The following SIAH2 variants were observed in gnomAD, a reference collection of about 807,000 sequenced individuals.
SIAH2 encodes the protein E3 ubiquitin-protein ligase SIAH2.
SIAH2 carries 4 observed loss-of-function variants against 20.4 expected under a neutral mutation model. The ratio of observed to expected loss-of-function variants is 0.20; its 90% CI spans 0.10 to 0.45. The LOEUF is 0.45. Ranked by LOEUF, SIAH2 falls within the 20% of genes least tolerant of loss-of-function variation. The probability of loss-of-function intolerance (pLI) is 0.99; values close to 1 mark genes in which losing one functional copy is unlikely to be tolerated. For missense variants in SIAH2, 259 were observed against 440.3 expected (o/e 0.59, Z 3.69); for synonymous variants, 171 against 192.5 (o/e 0.89, Z 0.93).
intron 1 of SIAH2, among the ~76,000 whole-genome samples, chr3:150,749,712 G>A (rs1381598826): frequency 6.6e-6 from 1 of 152,104 alleles, no homozygotes; most frequent in Non-Finnish European, 1.5e-5. Context: ...TTTACTAGAG[G>A]CTATTTGAGA....
rs959965663 is a variant in SIAH2, at chr3:150,741,669, G to C, written c.*472C>G. On this transcript the variant is annotated 3_prime_UTR_variant, in exon 2 of 2. Transcript: ENST00000312960. ...TAAGATAAGCACTCCGGGTGATTCAGTGTCTATTAGCCAGCCATCCAATTT... is the reference window on the plus strand; with the variant it reads ...TAAGATAAGCACTCCGGGTGATTCACTGTCTATTAGCCAGCCATCCAATTT... 1 of 154,226 alleles carries C rather than the reference G, an allele frequency of 6.5e-6. No individual in the cohort carries two copies. The highest frequency in any genetic ancestry group is 2.4e-5 in the African/African-American group (1 of 41,460). The allele number at this position is 154,226 out of a possible 1,614,324, so 9.6% of individuals were successfully genotyped here.
Position 150,742,887 on chromosome 3 carries a change from T to C in SIAH2, c.418-189A>G, listed in dbSNP as rs1023174014. ...TATTCATCATCAATGCTGTCATGCATAAAATGAAGGGTATTTCCTGAACCA... is the reference window on the plus strand; with the variant it reads ...TATTCATCATCAATGCTGTCATGCACAAAATGAAGGGTATTTCCTGAACCA... On this transcript the variant is annotated intron_variant, in intron 1 of 1. Transcript: ENST00000312960. The surrounding 1 kb of genome is among the most constrained non-coding windows in gnomAD (Gnocchi z 4.8). Among the ~76,000 whole-genome samples the C allele has an allele frequency of 6.6e-6, 1 of 152,250 alleles. No homozygotes were observed. Among genetic ancestry groups the C allele is most frequent in the African/African-American group, 2.4e-5 (1 of 41,460 alleles).
intron 1 of SIAH2, among the ~76,000 whole-genome samples, chr3:150,755,739 A>C (rs568868485): frequency 2.0e-5 from 3 of 151,772 alleles, no homozygotes; most frequent in African/African-American, 7.3e-5. Context: ...CTGGTCTCGA[A>C]CTCCCAATCT....
chr3:150,754,403 A>G (rs1004665624), intron 1 of SIAH2, among the ~76,000 whole-genome samples: 19 of 152,304 alleles, frequency 1.2e-4, no homozygotes, highest in African/African-American at 4.6e-4. Context: ...AAGACTCACT[A>G]TCATGAGAAC....
At chr3:150,743,079 G>A (rs932540038) in intron 1 of SIAH2, among the ~76,000 whole-genome samples, 1 of 152,166 alleles carries the variant, frequency 6.6e-6, no homozygotes, top group African/African-American at 2.4e-5. Flanking sequence ...TGGGTGGTGG[G>A]GATGGGGTTG....
chr3:150,758,910 CT>C (rs1343938102), intron 1 of SIAH2, among the ~76,000 whole-genome samples: 3 of 151,824 alleles, frequency 2.0e-5, no homozygotes, highest in Non-Finnish European at 2.9e-5. Flanking sequence ...GCCCAGCTAA[CT>C]TTTTTGTATT....
chr3:150,753,877 G>A (rs1185546893), intron 1 of SIAH2, among the ~76,000 whole-genome samples: 2 of 151,884 alleles, frequency 1.3e-5, no homozygotes, highest in African/African-American at 4.8e-5. Context: ...TTTAACTTTA[G>A]GAAATAACTA....
At chr3:150,754,509 A>T (rs1012451457) in intron 1 of SIAH2, among the ~76,000 whole-genome samples, 25 of 152,198 alleles carry the variant, frequency 1.6e-4, no homozygotes, top group Non-Finnish European at 2.9e-5. Context: ...GGGGATTACA[A>T]TTGAACATGA....
At position 150,763,041 on chromosome 3, in the gene SIAH2, G is replaced by C. The variant is rs1714663500; in HGVS notation, c.-192C>G. 1 of 494,426 alleles carries C rather than the reference G, an allele frequency of 2.0e-6. No homozygotes were observed. The allele number at this position is 494,426 out of a possible 1,614,324, so 30.6% of individuals were successfully genotyped here. A position where few individuals can be genotyped will look rare whatever the true frequency, so the allele number is the denominator to read the frequency against. ...CGCGCTGATGCACTCCGCAGCCCCC[G>C]GCGTTCCGAGCACGCCTCCGCGTCG... On this transcript the variant is annotated 5_prime_UTR_variant, in exon 1 of 2. Transcript: ENST00000312960. This position sits in a 1 kb window ranked among gnomAD's most constrained non-coding sequence, Gnocchi z 4.1.
intron 1 of SIAH2, among the ~76,000 whole-genome samples, chr3:150,745,313 T>C (rs1181342278): frequency 6.6e-6 from 1 of 151,384 alleles, no homozygotes; most frequent in Non-Finnish European, 1.5e-5. Context: ...TTTGGCATTG[T>C]TCTGGAATGG....
chr3:150,741,304 C>T lies in SIAH2; in HGVS notation c.*837G>A, dbSNP rs973499956. ...GCTTCCGAGGGAAGCCACGTGTAAA[C>T]GGGTCATCTGTACTAGTGGTGAGCA... is the stretch of plus-strand genomic sequence containing the variant. On this transcript the variant is annotated 3_prime_UTR_variant, in exon 2 of 2. Transcript: ENST00000312960. 1.2e-4 allele frequency: 19 copies of T among 152,552 alleles called. No homozygotes were observed. Among genetic ancestry groups the T allele is most frequent in the Admixed American group, 5.2e-4 (8 of 15,276 alleles). The allele number at this position is 152,552 out of a possible 1,614,324, so 9.4% of individuals were successfully genotyped here. A position where few individuals can be genotyped will look rare whatever the true frequency, so the allele number is the denominator to read the frequency against.
At position 150,748,784 on chromosome 3, in the gene SIAH2, CTAAG is replaced by C. The variant is rs539929534; in HGVS notation, c.418-6090_418-6087del. Among the ~76,000 whole-genome samples, 65 of 152,220 alleles carry C rather than the reference CTAAG, an allele frequency of 4.3e-4. No homozygotes were observed. In the East Asian group the frequency reaches 0.011, roughly 26 times the overall value. On this transcript the variant is annotated intron_variant, in intron 1 of 1. Coordinates refer to ENST00000312960, the MANE Select transcript of SIAH2 (RefSeq NM_005067.7). ...AAAGCAAATGGCACTTTCTTTCAAC[CTAAG>C]TAAGTTGTAATGATCACAGAATGCA...
intron 1 of SIAH2, among the ~76,000 whole-genome samples, chr3:150,744,066 T>G (rs1347979038): frequency 1.3e-5 from 2 of 152,000 alleles, no homozygotes; most frequent in African/African-American, 4.8e-5. Context: ...CCCTGCTTTA[T>G]AGAATAATCC....
intron 1 of SIAH2, among the ~76,000 whole-genome samples, chr3:150,754,735 GA>G (rs1426620534): frequency 6.6e-6 from 1 of 151,724 alleles, no homozygotes. Flanking sequence ...CATAACTTTA[GA>G]AAACATAATA....
chr3:150,752,852 G>A (rs921437360), intron 1 of SIAH2, among the ~76,000 whole-genome samples: 54 of 152,178 alleles, frequency 3.5e-4, no homozygotes, highest in African/African-American at 1.3e-3. Flanking sequence ...TTCCTCAGAA[G>A]GGTAGAGTGG....
intron 1 of SIAH2, among the ~76,000 whole-genome samples, chr3:150,760,087 T>A (rs1470614598): frequency 6.6e-6 from 1 of 152,204 alleles, no homozygotes; most frequent in African/African-American, 2.4e-5. Flanking sequence ...ATACAGGCCT[T>A]ACGGCTCTCT....
chr3:150,759,558 C>T (rs781178892), intron 1 of SIAH2, among the ~76,000 whole-genome samples: 15 of 152,240 alleles, frequency 9.9e-5, no homozygotes, highest in Non-Finnish European at 1.9e-4. Flanking sequence ...GATTCGAAAT[C>T]CCTACGTAGT....
chr3:150,744,323 C>T (rs904441365), intron 1 of SIAH2, among the ~76,000 whole-genome samples: 3 of 152,094 alleles, frequency 2.0e-5, no homozygotes, highest in African/African-American at 7.2e-5. Flanking sequence ...CATACCTAAG[C>T]GGATTATAAT....
At chr3:150,758,875 T>A (rs1714542785) in intron 1 of SIAH2, among the ~76,000 whole-genome samples, 1 of 151,958 alleles carries the variant, frequency 6.6e-6, no homozygotes, top group East Asian at 1.9e-4. Flanking sequence ...CCTGAGTAGC[T>A]GATATTACAG....
Sources: gnomAD v4.1 joint callset for allele counts (sites outside exome capture counted in the v4.1 genomes callset) on GRCh38, gnomAD v4.1.1 for gene constraint, Gnocchi (gnomAD v3.1) non-coding constraint, MANE v1.5 for transcripts, NCBI Gene and HGNC (gene_info 2026-07-23, HGNC 2026-07-21) for gene names.